The following FBN3 variants were observed in gnomAD, a reference collection of about 807,000 sequenced individuals.
The protein encoded by FBN3 is fibrillin-3.
A neutral mutation model predicts 330.1 loss-of-function variants in FBN3; 234 were observed. That is an observed-to-expected ratio of 0.71 (90% confidence interval 0.64 to 0.79). The LOEUF is 0.79. FBN3 is among the 30% of genes least tolerant of loss of function. FBN3 has a pLI of 0.00. For missense variants in FBN3, 3,606 were observed against 3,886.9 expected, an observed-to-expected ratio of 0.93 and a Z score of 1.92; for synonymous variants, 1,458 against 1,517.3, an observed-to-expected ratio of 0.96 and a Z score of 0.91.
chr19:8,087,024 C>G, intron 54 of FBN3, 53 bp downstream of exon 54: 1 of 1,578,386 alleles, frequency 6.3e-7, no homozygotes. Context: ...TTGCTTTGAC[C>G]TCTCCCTTCC....
rs1431808386 is a variant in FBN3 at position 8,087,106 on chromosome 19, G to C, written c.6725C>G (p.Pro2242Arg). ...FACVCPPGMR[P>R]LPGSGEGCTD... ...GCAGCCCTCCCCAGAGCCAGGCAGG[G>C]GCCGCATGCCTGGGGGACAGACGCA... is the stretch of plus-strand genomic sequence containing the variant. The change falls in exon 54 of 64, where the codon CCC (proline) becomes CGC (arginine). Residue 2242 changes from proline (P) to arginine (R), a missense_variant. Physicochemically the swap from Pro to Arg is moderately radical, Grantham distance 103. Transcript: ENST00000600128. The C allele has an allele frequency of 6.2e-7, 1 of 1,609,982 alleles. No homozygotes were observed. The highest frequency in any genetic ancestry group is 1.3e-5 in the African/African-American group (1 of 74,894).
Position 8,126,346 on chromosome 19 carries a change from G to A in FBN3, c.2556C>T (p.Asp852=). 1 of 1,590,394 alleles carries A rather than the reference G, an allele frequency of 6.3e-7. No homozygotes were observed. Among genetic ancestry groups the A allele is most frequent in the Non-Finnish European group, 8.5e-7 (1 of 1,170,150 alleles). Reference sequence around the variant, plus strand: ...GGGCAAAGCCCCGGGCACAGGCAGGGTCTGCAACTGGGAGAACAAGAGTGA... The same window carrying A: ...GGGCAAAGCCCCGGGCACAGGCAGGATCTGCAACTGGGAGAACAAGAGTGA... ...WGSPCERCEI[D]PACARGFARM... is the part of the protein sequence containing the mutation. Residue 852 remains aspartate, a splice_region_variant and synonymous_variant, in exon 21 of 64, where the codon GAC becomes GAT. Coordinates refer to ENST00000600128, the MANE Select transcript of FBN3 (RefSeq NM_032447.5).
intron 10 of FBN3, among the ~76,000 whole-genome samples, chr19:8,137,281 GGATCCCTCCAACCTGGGCCCTA>G (rs1347837447): frequency 3.8e-4 from 52 of 136,866 alleles, no homozygotes; most frequent in Admixed American, 6.7e-4. Flanking sequence ...CCTGGGACCT[GGATCCCTCCAACCTGGGCCCTA>G]GATCCCTCCA....
chr19:8,105,578 T>C (rs2082421142), intron 38 of FBN3, among the ~76,000 whole-genome samples: 1 of 152,194 alleles, frequency 6.6e-6, no homozygotes, highest in Admixed American at 6.5e-5. Flanking sequence ...CATATAATTT[T>C]CATGTGTCAC....
At chr19:8,136,553 G>A (rs2083286380) in intron 10 of FBN3, 22 bp from the exon 11 acceptor site, 1 of 1,612,948 alleles carries the variant, frequency 6.2e-7, no homozygotes, top group Non-Finnish European at 8.5e-7. Flanking sequence ...GCCGGCAGAG[G>A]CATCTGAGCA....
At chr19:8,088,265 C>T (rs1319775679) in intron 51 of FBN3, 86 bp from the exon 52 acceptor site, 3 of 1,488,924 alleles carry the variant, frequency 2.0e-6, no homozygotes, top group East Asian at 4.6e-5. Flanking sequence ...TTGACCACCA[C>T]AGATCGGAGG....
At chr19:8,130,610 A>AAG in intron 16 of FBN3, among the ~76,000 whole-genome samples, 1 of 10,662 alleles carries the variant, frequency 9.4e-5, no homozygotes, top group Non-Finnish European at 1.9e-4. Flanking sequence ...GAAAGAAAGA[A>AAG]AGAAAGAAAG....
At chr19:8,093,770 A>C (rs2082150641) in intron 47 of FBN3, among the ~76,000 whole-genome samples, 3 of 148,302 alleles carry the variant, frequency 2.0e-5, no homozygotes, top group East Asian at 2.1e-4. Context: ...AAACAAACAA[A>C]AAACAAACAA....
chr19:8,077,408 G>A (rs1043399316), intron 59 of FBN3, among the ~76,000 whole-genome samples: 1 of 151,742 alleles, frequency 6.6e-6, no homozygotes. Flanking sequence ...GGAGGCCGAG[G>A]CGGGCAGATC....
At chr19:8,144,478 G>A (rs548497329) in intron 6 of FBN3, among the ~76,000 whole-genome samples, 2 of 152,042 alleles carry the variant, frequency 1.3e-5, no homozygotes, top group Admixed American at 6.6e-5. Flanking sequence ...ATCCAGCTGA[G>A]GGGTCCCCTC....
At chr19:8,084,048 C>T (rs944148456) in intron 56 of FBN3, among the ~76,000 whole-genome samples, 3 of 151,852 alleles carry the variant, frequency 2.0e-5, no homozygotes, top group Non-Finnish European at 2.9e-5. Flanking sequence ...GTGATCTGCC[C>T]GCCTCAGCCT....
Position 8,081,091 on chromosome 19 carries a change from G to A in FBN3, c.7365C>T (p.His2455=). ...KDLDECTSRQ[H]NCQFLCVNTV... is the part of the protein sequence containing the mutation. The stretch of plus-strand genomic sequence containing the variant: ...TGTTGACACAGAGGAACTGACAGTT[G>A]TGCTGCCGGGAGGTGCATTCGTCCA... Residue 2455 remains histidine (H), a synonymous_variant, in exon 59 of 64, where the codon CAC becomes CAT. Coordinates refer to ENST00000600128, the MANE Select transcript of FBN3 (RefSeq NM_032447.5). 2.5e-6 allele frequency: 4 copies of A among 1,613,826 alleles called. No homozygotes were observed. Among genetic ancestry groups the A allele is most frequent in the Non-Finnish European group, 3.4e-6 (4 of 1,180,010 alleles).
intron 57 of FBN3, among the ~76,000 whole-genome samples, chr19:8,082,704 G>A (rs148484042): frequency 0.011 from 1,732 of 152,220 alleles, 44 homozygotes; most frequent in African/African-American, 0.04. Context: ...ATCTTGGCCA[G>A]GCTGGTCTTG....
intron 18 of FBN3, among the ~76,000 whole-genome samples, chr19:8,127,048 G>T (rs143924336): frequency 7.0e-5 from 8 of 113,910 alleles, no homozygotes; most frequent in South Asian, 3.4e-4. Flanking sequence ...ATGCCAAACT[G>T]TTTTTTTTTT....
chr19:8,138,251 A>G lies in FBN3; in HGVS notation c.1091T>C (p.Leu364Pro). 6.2e-7 allele frequency: 1 copy of G among 1,612,070 alleles called. No homozygotes were observed. The highest frequency in any genetic ancestry group is 8.5e-7 in the Non-Finnish European group (1 of 1,179,462). ...ACCCATGCCATTGGATCCGAAGCCC[A>G]GGAGGCCAGGGAAGAGGCCAGGGTG... is the stretch of plus-strand genomic sequence containing the variant. ...PGHPGLFPGLLGFGSNGMGPP... is the reference protein window; with the variant it reads ...PGHPGLFPGLPGFGSNGMGPP... The change falls in exon 10 of 64, where the codon CTG becomes CCG. Residue 364 changes from leucine to proline, a missense_variant. By Grantham distance (98) the Leu-to-Pro change is moderately conservative (BLOSUM62 -3). Coordinates refer to ENST00000600128, the MANE Select transcript of FBN3 (RefSeq NM_032447.5).
chr19:8,130,789 G>A (rs1053239465), intron 16 of FBN3, among the ~76,000 whole-genome samples: 3 of 151,392 alleles, frequency 2.0e-5, no homozygotes, highest in Admixed American at 6.6e-5. Context: ...CCAAGAGGTC[G>A]AGTTTGCAGT....
At position 8,111,652 on chromosome 19, in the gene FBN3, G is replaced by A. The variant is rs773296307; in HGVS notation, c.4080C>T (p.Cys1360=). 17 of 1,579,720 alleles carry A rather than the reference G, an allele frequency of 1.1e-5. No homozygotes were observed. The Admixed American group carries it at 1.9e-4, about 18-fold the overall frequency. ...CTCCCACCCCTCTAATCTCACCTTC[G>A]CAGAAGAAGCCATCCCCGGCAAAGC... ...RQGFAGDGFF[C]EDRDECAENV... Residue 1360 remains cysteine, a synonymous_variant, in exon 32 of 64, where the codon TGC becomes TGT. Coordinates refer to ENST00000600128, the MANE Select transcript of FBN3 (RefSeq NM_032447.5).
chr19:8,109,686 G>A lies in FBN3; in HGVS notation c.4401C>T (p.Tyr1467=). The change falls in exon 35 of 64, where the codon TAC becomes TAT. Residue 1467 remains tyrosine, a synonymous_variant. Coordinates refer to ENST00000600128, the MANE Select transcript of FBN3 (RefSeq NM_032447.5). The surrounding 1 kb of genome is among the most constrained non-coding windows in gnomAD (Gnocchi z 5.2). ...CAAAATCCTGGGGGCAGCTGCAGAG[G>A]TAGCTGCCGGGGGTGTTAATGCACA... The part of the protein sequence containing the change: ...NGVCINTPGS[Y]LCSCPQDFEL... 1.3e-6 allele frequency: 2 copies of A among 1,567,604 alleles called. No homozygotes were observed. The highest frequency in any genetic ancestry group is 1.2e-5 in the South Asian group (1 of 82,548).
rs2144820623 is a variant in FBN3, at chr19:8,110,694, G to A, written c.4333+151C>T. On this transcript the variant is annotated intron_variant, in intron 34 of 63. Transcript: ENST00000600128. ...CAGGCGAACAGGAACGGGAAATGAT[G>A]GGGACATCAGGCAAGGCGCCCCCCA... 2.2e-5 allele frequency: 21 copies of A among 957,816 alleles called. 1 individual carries two copies. The South Asian group carries it at 3.1e-4, about 14-fold the overall frequency. 59.3% of individuals were successfully genotyped at this position (957,816 alleles called of 1,614,324 possible).
Sources: allele counts gnomAD v4.1 joint callset (sites outside exome capture counted in the v4.1 genomes callset), GRCh38; gene constraint gnomAD v4.1.1; non-coding constraint Gnocchi (gnomAD v3.1); transcripts MANE v1.5; gene names NCBI Gene and HGNC (gene_info 2026-07-23, HGNC 2026-07-21).